Variants in LRP11 observed in about 807,000 individuals in gnomAD.
LRP11 encodes the protein low-density lipoprotein receptor-related protein 11.
In LRP11, 25 loss-of-function variants were observed where a neutral mutation model predicts 43.1. That is an observed-to-expected ratio of 0.58 (90% CI 0.42 to 0.81). The LOEUF is 0.81. Ranked by LOEUF, LRP11 falls within the 30% of genes least tolerant of loss-of-function variation. The pLI, the probability that LRP11 is intolerant of heterozygous loss-of-function variation, is 0.00. For synonymous variants in LRP11, 316 were observed against 299.4 expected, an observed-to-expected ratio of 1.06 and a Z score of -0.57; for missense variants, 623 against 665.1, an observed-to-expected ratio of 0.94 and a Z score of 0.70.
chr6:149,832,891 C>T (rs1383578526), intron 5 of LRP11, among the ~76,000 whole-genome samples: 3 of 152,150 alleles, frequency 2.0e-5, no homozygotes, highest in Non-Finnish European at 4.4e-5. Context: ...TCACTGCAAG[C>T]TCCACCTCCC....
intron 5 of LRP11, among the ~76,000 whole-genome samples, chr6:149,831,016 C>T (rs1419455523): frequency 1.3e-5 from 2 of 152,228 alleles, no homozygotes; most frequent in Non-Finnish European, 2.9e-5. Flanking sequence ...TTCACACATC[C>T]AATCACAGGC....
intron 1 of LRP11, among the ~76,000 whole-genome samples, chr6:149,857,714 C>A (rs995160282): frequency 1.3e-5 from 2 of 152,112 alleles, no homozygotes; most frequent in Non-Finnish European, 2.9e-5. Flanking sequence ...TGGCAGCACC[C>A]CGTTGGCAGT....
rs1776470497 is a variant in LRP11 at position 149,836,279 on chromosome 6, ATCTTGCGG to A, written c.1050_1057del (p.Arg351GlyfsTer7). On this transcript the variant is annotated frameshift_variant, in exon 5 of 7. Coordinates refer to ENST00000239367, the MANE Select transcript of LRP11 (RefSeq NM_032832.6). LOFTEE classifies it high-confidence loss of function. ...AGGACTAGCTGCCGTGTGGGTTACC[ATCTTGCGG>A]TCCAGGCCCACTGAAGTGTGGAAGA... The A allele has an allele frequency of 6.2e-7, 1 of 1,613,994 alleles. No individual in the cohort carries two copies.
rs367912698 is a variant in LRP11, at chr6:149,864,270, C to T, written c.-250G>A. On this transcript the variant is annotated 5_prime_UTR_variant, in exon 1 of 7. Transcript: ENST00000239367. Reference sequence around the variant, plus strand: ...CTTGCCCTCGCCGGAGACTGCCCAGCGCCCTGCGCCTCTCCGCCCCGGCCT... The same window carrying T: ...CTTGCCCTCGCCGGAGACTGCCCAGTGCCCTGCGCCTCTCCGCCCCGGCCT... 9.4e-7 allele frequency: 1 copy of T among 1,065,994 alleles called. No homozygotes were observed. Among genetic ancestry groups the T allele is most frequent in the Non-Finnish European group, 1.1e-6 (1 of 883,676 alleles). The allele number at this position is 1,065,994 out of a possible 1,614,324, so 66.0% of individuals were successfully genotyped here. A position where few individuals can be genotyped will look rare whatever the true frequency, so the allele number is the denominator to read the frequency against.
At chr6:149,829,470 T>C (rs968997108) in intron 5 of LRP11, among the ~76,000 whole-genome samples, 8 of 151,702 alleles carry the variant, frequency 5.3e-5, no homozygotes, top group Non-Finnish European at 1.0e-4. Flanking sequence ...CTGAGGCAGG[T>C]GAATCGCTTG....
chr6:149,840,687 C>T (rs1776533131), intron 3 of LRP11, among the ~76,000 whole-genome samples: 1 of 152,184 alleles, frequency 6.6e-6, no homozygotes, highest in African/African-American at 2.4e-5. Flanking sequence ...CCAAGAGTCC[C>T]TTCCTCCCAG....
At position 149,863,493 on chromosome 6, in the gene LRP11, C is replaced by A; in HGVS notation, c.528G>T (p.Ala176=). 7.4e-7 allele frequency: 1 copy of A among 1,344,182 alleles called. No homozygotes were observed. Among genetic ancestry groups the A allele is most frequent in the Non-Finnish European group, 9.5e-7 (1 of 1,056,632 alleles). 83.3% of individuals were successfully genotyped at this position (1,344,182 alleles called of 1,614,324 possible). ...TARGRNVCKF[A]LHSGYSSYSL... is the part of the protein sequence containing the mutation. ...TGTAGCTGCTGTAGCCGCTGTGCAG[C>A]GCGAACTTGCAGACGTTGCGGCCGC... is the stretch of plus-strand genomic sequence containing the variant. The change falls in exon 1 of 7, where the codon GCG becomes GCT. Residue 176 remains alanine, a synonymous_variant. Coordinates refer to ENST00000239367, the MANE Select transcript of LRP11 (RefSeq NM_032832.6).
intron 1 of LRP11, among the ~76,000 whole-genome samples, chr6:149,858,868 T>C (rs1362240582): frequency 6.6e-6 from 1 of 152,206 alleles, no homozygotes; most frequent in Non-Finnish European, 1.5e-5. Context: ...CTCTTCAGCA[T>C]AGATGATTTT....
chr6:149,820,416 A>T lies in LRP11; in HGVS notation c.*133T>A, dbSNP rs1422176792. The T allele has an allele frequency of 4.1e-6, 2 of 490,506 alleles. No homozygotes were observed. The highest frequency in any genetic ancestry group is 7.3e-6 in the Non-Finnish European group (2 of 274,466). 30.4% of individuals were successfully genotyped at this position (490,506 alleles called of 1,614,324 possible). A position where few individuals can be genotyped will look rare whatever the true frequency, so the allele number is the denominator to read the frequency against. ...GGAAACTTTTTTTACAATAAATAAT[A>T]AAGAAAGATTTGGGATTTGCAGAAT... On this transcript the variant is annotated 3_prime_UTR_variant, in exon 7 of 7. Transcript: ENST00000239367.
chr6:149,843,431 G>T (rs1398814742), intron 2 of LRP11, among the ~76,000 whole-genome samples: 2 of 152,108 alleles, frequency 1.3e-5, no homozygotes, highest in African/African-American at 4.8e-5. Context: ...CGTCTCAGCA[G>T]GGGGACTCAT....
intron 2 of LRP11, among the ~76,000 whole-genome samples, chr6:149,850,667 T>C (rs544582261): frequency 1.3e-5 from 2 of 152,338 alleles, no homozygotes; most frequent in East Asian, 3.9e-4. Flanking sequence ...TAAAATGTCA[T>C]GTTTGAAATC....
In LRP11 at chr6:149,836,128, G is replaced by A. The variant is rs757878275; in HGVS notation, c.1209C>T (p.Ser403=). The stretch of plus-strand genomic sequence containing the variant: ...TTTGACTCTCTGGTCCCCAAAAGGC[G>A]GAATGATTCCTCTTCTCTGTGTTTG... The part of the protein sequence containing the change: ...ALSNTEKRNH[S]AFWGPESQII... Residue 403 remains serine, a synonymous_variant, in exon 5 of 7, where the codon TCC becomes TCT. Transcript: ENST00000239367. 25 of 1,613,950 alleles carry A rather than the reference G, an allele frequency of 1.5e-5. No homozygotes were observed. Among genetic ancestry groups the A allele is most frequent in the Admixed American group, 1.0e-4 (6 of 59,962 alleles).
intron 4 of LRP11, among the ~76,000 whole-genome samples, chr6:149,837,135 A>T (rs931083699): frequency 2.0e-5 from 3 of 152,258 alleles, no homozygotes; most frequent in African/African-American, 4.8e-5. Flanking sequence ...AATTAAAAAC[A>T]TAAGCAATAC....
At chr6:149,823,965 C>G (rs189134678) in intron 6 of LRP11, among the ~76,000 whole-genome samples, 3 of 152,266 alleles carry the variant, frequency 2.0e-5, no homozygotes, top group Non-Finnish European at 4.4e-5. Context: ...CTACTGCCTC[C>G]TAGTCTCCAC....
intron 2 of LRP11, among the ~76,000 whole-genome samples, chr6:149,848,105 G>A (rs1284221351): frequency 6.6e-6 from 1 of 152,112 alleles, no homozygotes; most frequent in Non-Finnish European, 1.5e-5. Flanking sequence ...CTAACGCCCA[G>A]TGTGATGGCG....
Position 149,837,328 on chromosome 6 carries a change from G to C in LRP11, c.1039+10C>G. The C allele has an allele frequency of 6.2e-7, 1 of 1,612,746 alleles. No homozygotes were observed. Among genetic ancestry groups the C allele is most frequent in the Non-Finnish European group, 8.5e-7 (1 of 1,179,586 alleles). On this transcript the variant is annotated intron_variant, in intron 4 of 6. Coordinates refer to ENST00000239367, the MANE Select transcript of LRP11 (RefSeq NM_032832.6). ...AGCCACTGCCTAGCAATGTGACATA[G>C]CCAACTCACGATTCTGGCAGAAGTC...
At position 149,863,388 on chromosome 6, in the gene LRP11, C is replaced by A. The variant is rs1583103342; in HGVS notation, c.613+20G>T. ...TCTCGAGCGCTCTGGCCAAGGCCGG[C>A]CCCTCAGTCGCGCGCTTACCCTGCC... is the stretch of plus-strand genomic sequence containing the variant. On this transcript the variant is annotated intron_variant, in intron 1 of 6. Coordinates refer to ENST00000239367, the MANE Select transcript of LRP11 (RefSeq NM_032832.6). The A allele has an allele frequency of 5.2e-6, 7 of 1,333,764 alleles. No individual in the cohort carries two copies. The East Asian group carries it at 2.0e-4, about 38-fold the overall frequency. 82.6% of individuals were successfully genotyped at this position (1,333,764 alleles called of 1,614,324 possible). A position where few individuals can be genotyped will look rare whatever the true frequency, so the allele number is the denominator to read the frequency against.
At chr6:149,837,731 G>A (rs1427453043) in intron 3 of LRP11, among the ~76,000 whole-genome samples, 1 of 152,096 alleles carries the variant, frequency 6.6e-6, no homozygotes, top group African/African-American at 2.4e-5. Flanking sequence ...GCACACAGAA[G>A]CAACAGCCCA....
At chr6:149,831,370 A>G (rs560562906) in intron 5 of LRP11, among the ~76,000 whole-genome samples, 1 of 152,276 alleles carries the variant, frequency 6.6e-6, no homozygotes, top group South Asian at 2.1e-4. Flanking sequence ...AGGGCTGGAA[A>G]CCAGATTTCT....
Sources: gnomAD v4.1 joint callset for allele counts (sites outside exome capture counted in the v4.1 genomes callset) on GRCh38, gnomAD v4.1.1 for gene constraint, MANE v1.5 for transcripts, NCBI Gene and HGNC (gene_info 2026-07-23, HGNC 2026-07-21) for gene names.